The following NBPF12 variants were observed in gnomAD, a reference collection of about 807,000 sequenced individuals.
NBPF12 encodes NBPF family member NBPF12.
In NBPF12, 115 loss-of-function variants were observed where a neutral mutation model predicts 146.4. The observed-to-expected ratio is 0.79, with a 90% CI of 0.68 to 0.92. NBPF12 has a LOEUF of 0.92. Among genes scored for constraint, NBPF12 ranks in the 40% least tolerant of loss-of-function variants. The probability of loss-of-function intolerance (pLI) is 0.00; values close to 1 mark genes in which losing one functional copy is unlikely to be tolerated. For missense variants in NBPF12, 1,205 were observed against 1,326.8 expected (o/e 0.91, Z 1.43); for synonymous variants, 385 against 508.9 (o/e 0.76, Z 3.28).
At chr1:146,956,091 A>G (rs1655574497) in intron 2 of NBPF12, among the ~76,000 whole-genome samples, 1 of 151,854 alleles carries the variant, frequency 6.6e-6, no homozygotes, top group African/African-American at 2.4e-5. Flanking sequence ...ATGGATGCTC[A>G]TGATAGTTTC....
chr1:146,994,379 A>G, exon 34 of NBPF12: 1 of 1,612,326 alleles, frequency 6.2e-7, no homozygotes, highest in Non-Finnish European at 8.5e-7. Flanking sequence ...GTCTTGCAGG[A>G]CTCACTGGAT....
chr1:146,960,742 C>G (rs1387152987), intron 4 of NBPF12, among the ~76,000 whole-genome samples: 1 of 151,970 alleles, frequency 6.6e-6, no homozygotes, highest in East Asian at 1.9e-4. Flanking sequence ...AAGCTCTGTT[C>G]TAGTGACTCT....
At position 146,970,595 on chromosome 1, in the gene NBPF12, G is replaced by A. The variant is rs1432498101; in HGVS notation, c.1307-52G>A. ...TCTCTGTGCACGTTGGGCTGACTGT[G>A]CTTGCAGAATGTGAAGTGGAAAATA... On this transcript the variant is annotated intron_variant, in intron 11 of 33. Transcript: ENST00000617844. The A allele has an allele frequency of 1.5e-5, 24 of 1,564,782 alleles. No homozygotes were observed. In the South Asian group the frequency reaches 2.1e-4, roughly 14 times the overall value.
chr1:146,972,097 A>AG (rs1656674776), intron 13 of NBPF12, among the ~76,000 whole-genome samples: 1 of 149,108 alleles, frequency 6.7e-6, no homozygotes. Flanking sequence ...AAAAAAAAAA[A>AG]AAAAAAGTAA....
chr1:146,984,825 G>T, exon 22 of NBPF12: 1 of 1,514,648 alleles, frequency 6.6e-7, no homozygotes, highest in Non-Finnish European at 9.2e-7. Context: ...TCAGCAGGGA[G>T]CTGCTGGCTG....
In NBPF12 at chr1:146,987,945, C is replaced by CT; in HGVS notation, c.3117-5dup. On this transcript the variant is annotated splice_polypyrimidine_tract_variant and intron_variant, in intron 25 of 33. Coordinates refer to ENST00000617844, the Ensembl canonical transcript of NBPF12. ...CTGGCTTATTCTTTACTTTTTCCTC[C>CT]TTTTCCAGGCTCAGCAGGGAGCTGC... 3.1e-6 allele frequency: 2 copies of CT among 635,302 alleles called. No homozygotes were observed. Among genetic ancestry groups the CT allele is most frequent in the South Asian group, 3.8e-5 (2 of 53,208 alleles). 39.4% of individuals were successfully genotyped at this position (635,302 alleles called of 1,614,324 possible).
intron 16 of NBPF12, among the ~76,000 whole-genome samples, chr1:146,976,350 A>G (rs1657014642): frequency 7.1e-6 from 1 of 140,252 alleles, no homozygotes. Flanking sequence ...AAATGTGGGA[A>G]CACTTACAAC....
intron 2 of NBPF12, among the ~76,000 whole-genome samples, chr1:146,954,921 GTA>G (rs1212777019): frequency 9.9e-5 from 9 of 91,240 alleles, no homozygotes; most frequent in African/African-American, 1.7e-4. Flanking sequence ...GTGTGTGTGT[GTA>G]TATATATATA....
rs1167798600 is a variant in NBPF12 at position 146,957,985 on chromosome 1, G to GTATATATATATATATACA, written c.-183-1873_-183-1872insATATATATATATATACAT. 1.0e-4 allele frequency among the ~76,000 whole-genome samples: 12 copies of GTATATATATATATATACA among 116,280 alleles called. 1 individual carries two copies. The highest frequency in any genetic ancestry group is 3.8e-4 in the African/African-American group (12 of 31,256). 76.3% of individuals were successfully genotyped at this position (116,280 alleles called of 152,430 possible). On this transcript the variant is annotated intron_variant, in intron 2 of 33. Coordinates refer to ENST00000617844, the Ensembl canonical transcript of NBPF12. The stretch of plus-strand genomic sequence containing the variant: ...TACGTGTATACATGTATATATGTGT[G>GTATATATATATATATACA]TGTATATATATATATACATGTGTAT...
rs1656534547 is a variant in NBPF12, at chr1:146,970,566, C to T, written c.1307-81C>T. On this transcript the variant is annotated intron_variant, in intron 11 of 33. Transcript: ENST00000617844. ...CAATGCTGAACCATACATAGATGTT[C>T]ATGTCTCTGTGCACGTTGGGCTGAC... 4 of 1,528,528 alleles carry T rather than the reference C, an allele frequency of 2.6e-6. No individual in the cohort carries two copies. The African/African-American group carries it at 5.6e-5, about 21-fold the overall frequency. 94.7% of individuals were successfully genotyped at this position (1,528,528 alleles called of 1,614,324 possible). A position where few individuals can be genotyped will look rare whatever the true frequency, so the allele number is the denominator to read the frequency against.
chr1:146,939,792 G>A (rs1243100432), intron 1 of NBPF12, among the ~76,000 whole-genome samples: 2 of 151,852 alleles, frequency 1.3e-5, no homozygotes, highest in Non-Finnish European at 2.9e-5. Context: ...GACCATCCTG[G>A]CTAACACTGT....
At chr1:146,969,107 T>C (rs1399482088) in intron 10 of NBPF12, among the ~76,000 whole-genome samples, 1 of 151,356 alleles carries the variant, frequency 6.6e-6, no homozygotes, top group Admixed American at 6.6e-5. Context: ...GGATGTCTTT[T>C]TGAAACGGAA....
chr1:146,977,162 A>G (rs1657094924), intron 17 of NBPF12, among the ~76,000 whole-genome samples, 161 bp downstream of exon 20: 2 of 148,494 alleles, frequency 1.3e-5, no homozygotes, highest in East Asian at 2.0e-4. Flanking sequence ...GGCAGGTGTC[A>G]TGTTTCTCTA....
chr1:146,969,578 G>T lies in NBPF12; in HGVS notation c.1288G>T (p.Val430Phe), dbSNP rs1462604010. Residue 430 changes from valine (V) to phenylalanine (F), a missense_variant, in exon 11 of 34, where the codon GTC (valine) becomes TTC (phenylalanine). Physicochemically the swap from Val to Phe is conservative, Grantham distance 50. This residue lies in a region of NBPF12 where 278 missense variants were observed against 203.1 expected (regional missense o/e 1.37). Coordinates refer to ENST00000617844, the Ensembl canonical transcript of NBPF12. Reference sequence around the variant, plus strand: ...GGGGTGTAGACTGGCACAGCACCTTGTCCAAAAGCTCAGCCCAGGTAAGGT... The same window carrying T: ...GGGGTGTAGACTGGCACAGCACCTTTTCCAAAAGCTCAGCCCAGGTAAGGT... 8.7e-6 allele frequency: 14 copies of T among 1,609,748 alleles called. 1 individual carries two copies. In the South Asian group the frequency reaches 9.9e-5, roughly 11 times the overall value.
chr1:146,977,605 G>T (rs1657128992), exon 18 of NBPF12: 1 of 1,608,624 alleles, frequency 6.2e-7, no homozygotes, highest in South Asian at 1.1e-5. Flanking sequence ...GGAAGACAAA[G>T]TCGACTCAAC....
intron 1 of NBPF12, among the ~76,000 whole-genome samples, chr1:146,949,904 C>G (rs1186814073): frequency 6.6e-6 from 1 of 151,854 alleles, no homozygotes; most frequent in Non-Finnish European, 1.5e-5. Context: ...CCTTCTCTGA[C>G]TTCATCTTCT....
At chr1:146,982,088 GT>G (rs1657434783) in intron 19 of NBPF12, among the ~76,000 whole-genome samples, 1 of 149,042 alleles carries the variant, frequency 6.7e-6, no homozygotes, top group South Asian at 2.1e-4. Context: ...ATCCTGCTTT[GT>G]TCCATTGCTG....
At position 146,955,013 on chromosome 1, in the gene NBPF12, T is replaced by TATAC. The variant is rs1411814328; in HGVS notation, c.-184+3525_-184+3526insTACA. ...ATATATATATATATATATATATATATACACACACACACACATATATATATT... is the reference window on the plus strand; with the variant it reads ...ATATATATATATATATATATATATATATACACACACACACACACATATATATATT... On this transcript the variant is annotated intron_variant, in intron 2 of 33. Coordinates refer to ENST00000617844, the Ensembl canonical transcript of NBPF12. 4.6e-3 allele frequency among the ~76,000 whole-genome samples: 311 copies of TATAC among 67,266 alleles called. 3 individuals carry two copies. The highest frequency in any genetic ancestry group is 7.0e-3 in the Non-Finnish European group (248 of 35,352). 44.1% of individuals were successfully genotyped at this position (67,266 alleles called of 152,430 possible). A position where few individuals can be genotyped will look rare whatever the true frequency, so the allele number is the denominator to read the frequency against.
Position 146,960,508 on chromosome 1 carries a change from T to A in NBPF12, c.175+190T>A, listed in dbSNP as rs1192793374. On this transcript the variant is annotated intron_variant, in intron 4 of 33. Transcript: ENST00000617844. ...CCAAAGTATTTAGCAACTTTCCATGTTTGCAGTCAGATGGGGGTGGGACTA... is the reference window on the plus strand; with the variant it reads ...CCAAAGTATTTAGCAACTTTCCATGATTGCAGTCAGATGGGGGTGGGACTA... 4.6e-5 allele frequency among the ~76,000 whole-genome samples: 7 copies of A among 152,038 alleles called. No individual in the cohort carries two copies. In the East Asian group the frequency reaches 1.4e-3, roughly 29 times the overall value.
Sources: gnomAD v4.1 joint callset for allele counts (sites outside exome capture counted in the v4.1 genomes callset) on GRCh38, gnomAD v4.1.1 for gene constraint, gnomAD v4.1.1 regional missense constraint, MANE v1.5 for transcripts, NCBI Gene and HGNC (gene_info 2026-07-23, HGNC 2026-07-21) for gene names.